The following CRADD variants were observed in gnomAD, a reference collection of about 807,000 sequenced individuals.
CRADD encodes the protein CARD and death domain containing adaptor protein, also known as death domain-containing protein CRADD.
Under a neutral mutation model 15.5 loss-of-function variants are expected in CRADD, and 9 were observed. The observed-to-expected ratio is 0.58, with a 90% CI of 0.35 to 1.01. The LOEUF is 1.01. Ranked by LOEUF, CRADD falls within the 50% of genes least tolerant of loss-of-function variation. CRADD has a pLI of 0.02. For missense variants in CRADD, 227 were observed against 250.3 expected (o/e 0.91, Z 0.63); for synonymous variants, 118 against 107.6 (o/e 1.10, Z -0.60).
intron 2 of CRADD, among the ~76,000 whole-genome samples, chr12:93,807,296 C>G (rs2137003431): frequency 6.6e-6 from 1 of 152,136 alleles, no homozygotes; most frequent in East Asian, 1.9e-4. Context: ...TTCATAGGAG[C>G]ACAGAGGGAT....
chr12:93,832,049 A>G (rs1957910469), intron 2 of CRADD, among the ~76,000 whole-genome samples: 1 of 146,898 alleles, frequency 6.8e-6, no homozygotes, highest in Admixed American at 6.7e-5. Context: ...CATTGTATAC[A>G]TTTATGATTG....
chr12:93,810,960 G>T (rs1265562823), intron 2 of CRADD, among the ~76,000 whole-genome samples: 1 of 152,204 alleles, frequency 6.6e-6, no homozygotes, highest in Non-Finnish European at 1.5e-5. Flanking sequence ...ATTTGCAAGT[G>T]ACTAAGTCCC....
intron 2 of CRADD, among the ~76,000 whole-genome samples, chr12:93,872,222 G>T (rs1183596464): frequency 6.6e-6 from 1 of 152,276 alleles, no homozygotes; most frequent in East Asian, 1.9e-4. Flanking sequence ...GTTGAGAAAT[G>T]TCTATTCAAG....
At position 93,847,403 on chromosome 12, in the gene CRADD, CT is replaced by C. The variant is rs1958139276; in HGVS notation, c.299-2566del. On this transcript the variant is annotated intron_variant, in intron 2 of 2. Coordinates refer to ENST00000332896, the MANE Select transcript of CRADD (RefSeq NM_003805.5). ...AAGATAAAAATAATATAAAATTGTT[CT>C]CTAAATATTAAGTTATTATTCCAGT... Among the ~76,000 whole-genome samples, 3 of 143,610 alleles carry C rather than the reference CT, an allele frequency of 2.1e-5. No individual in the cohort carries two copies. In the South Asian group the frequency reaches 6.7e-4, roughly 32 times the overall value. The allele number at this position is 143,610 out of a possible 152,430, so 94.2% of individuals were successfully genotyped here. A position where few individuals can be genotyped will look rare whatever the true frequency, so the allele number is the denominator to read the frequency against.
chr12:93,770,574 C>T (rs1397283309), intron 2 of CRADD, among the ~76,000 whole-genome samples: 1 of 152,224 alleles, frequency 6.6e-6, no homozygotes, highest in Non-Finnish European at 1.5e-5. Context: ...TTCCCCATTG[C>T]TCTGCCATAC....
chr12:93,891,513 T>G (rs1958576065), intron 2 of CRADD, among the ~76,000 whole-genome samples: 1 of 152,148 alleles, frequency 6.6e-6, no homozygotes, highest in Non-Finnish European at 1.5e-5. Flanking sequence ...TCTCTTCAAA[T>G]ATTTTACAGA....
At chr12:93,823,687 A>G (rs577585049) in intron 2 of CRADD, among the ~76,000 whole-genome samples, 28 of 152,308 alleles carry the variant, frequency 1.8e-4, no homozygotes, top group African/African-American at 6.5e-4. Context: ...TCTTTTTAGA[A>G]GTAAGGTATT....
chr12:93,689,469 G>A (rs915881063), intron 2 of CRADD, among the ~76,000 whole-genome samples: 1 of 152,270 alleles, frequency 6.6e-6, no homozygotes, highest in East Asian at 1.9e-4. Context: ...AGAAAAAAAG[G>A]TATGTTGTGT....
At chr12:93,810,776 C>T (rs1489081433) in intron 2 of CRADD, among the ~76,000 whole-genome samples, 2 of 152,056 alleles carry the variant, frequency 1.3e-5, no homozygotes, top group Admixed American at 6.6e-5. Flanking sequence ...ACCTGGCCTT[C>T]CCTCCCAGCA....
At chr12:93,777,463 G>A (rs976528537) in intron 2 of CRADD, among the ~76,000 whole-genome samples, 22 of 152,188 alleles carry the variant, frequency 1.4e-4, no homozygotes, top group South Asian at 8.3e-4. Flanking sequence ...ATTTGGAAAA[G>A]GAAGGTCAGA....
chr12:93,742,874 G>T (rs1956697495), intron 2 of CRADD, among the ~76,000 whole-genome samples: 1 of 152,016 alleles, frequency 6.6e-6, no homozygotes, highest in African/African-American at 2.4e-5. Context: ...TTATGCGCTG[G>T]GTCCTTCCTT....
At chr12:93,702,149 G>C (rs1476252764) in intron 2 of CRADD, among the ~76,000 whole-genome samples, 1 of 152,112 alleles carries the variant, frequency 6.6e-6, no homozygotes, top group Non-Finnish European at 1.5e-5. Flanking sequence ...TAAAAAAGTA[G>C]GTTCTTAAAT....
intron 2 of CRADD, among the ~76,000 whole-genome samples, chr12:93,705,513 C>G (rs1480369474): frequency 6.6e-6 from 1 of 152,176 alleles, no homozygotes; most frequent in Non-Finnish European, 1.5e-5. Flanking sequence ...GAAATACATT[C>G]CTTTCCCTCA....
intron 2 of CRADD, among the ~76,000 whole-genome samples, chr12:93,729,074 C>T (rs898160819): frequency 1.3e-4 from 20 of 152,092 alleles, no homozygotes; most frequent in African/African-American, 3.6e-4. Flanking sequence ...CAGATTAATA[C>T]GGACACTAAA....
intron 2 of CRADD, among the ~76,000 whole-genome samples, chr12:93,804,777 G>C (rs370870649): frequency 6.6e-6 from 1 of 152,034 alleles, no homozygotes; most frequent in Non-Finnish European, 1.5e-5. Context: ...GAGGGAGGAG[G>C]AAAGGATGTA....
At chr12:93,724,975 C>T (rs564865896) in intron 2 of CRADD, among the ~76,000 whole-genome samples, 30 of 152,216 alleles carry the variant, frequency 2.0e-4, no homozygotes, top group African/African-American at 6.7e-4. Context: ...ATTCTCCTGC[C>T]TCAGCCTCGC....
chr12:93,686,322 A>AAAAAAG (rs1955441018), intron 2 of CRADD, among the ~76,000 whole-genome samples: 18 of 151,174 alleles, frequency 1.2e-4, no homozygotes, highest in Admixed American at 6.6e-5. Context: ...AAAAAAAAAA[A>AAAAAAG]AAAGAAAAGA....
At chr12:93,840,873 T>C (rs1023941754) in intron 2 of CRADD, among the ~76,000 whole-genome samples, 3 of 152,204 alleles carry the variant, frequency 2.0e-5, no homozygotes, top group African/African-American at 7.2e-5. Context: ...CGTCCAATAC[T>C]GTATTCCACA....
chr12:93,785,238 T>C (rs559363684), intron 2 of CRADD, among the ~76,000 whole-genome samples: 3 of 152,332 alleles, frequency 2.0e-5, no homozygotes, highest in Middle Eastern at 3.4e-3. Context: ...TTAGTACCTT[T>C]GAGAGAAAGG....
Sources: allele counts gnomAD v4.1 joint callset (sites outside exome capture counted in the v4.1 genomes callset), GRCh38; gene constraint gnomAD v4.1.1; transcripts MANE v1.5; gene names NCBI Gene and HGNC (gene_info 2026-07-23, HGNC 2026-07-21).